Variants in SLAMF8 observed in about 807,000 individuals in gnomAD.
SLAMF8 encodes the protein B lymphocyte activator macrophage expressed.
A neutral mutation model predicts 29.0 loss-of-function variants in SLAMF8; 23 were observed. The ratio of observed to expected loss-of-function variants is 0.79; its 90% confidence interval spans 0.57 to 1.13. SLAMF8 has a LOEUF of 1.13. SLAMF8 is among the 50% of genes most tolerant of loss of function. The pLI, the probability that SLAMF8 is intolerant of heterozygous loss-of-function variation, is 0.00. For synonymous variants in SLAMF8, 139 were observed against 145.6 expected (o/e 0.96, Z 0.32); for missense variants, 381 against 353.1 (o/e 1.08, Z -0.63).
intron 1 of SLAMF8, 58 bp from the exon 2 acceptor site, chr1:159,829,808 G>C (rs1647333543): frequency 1.9e-5 from 24 of 1,247,406 alleles, no homozygotes; most frequent in African/African-American, 3.4e-5. Flanking sequence ...TCAGATGCAT[G>C]CAAAGAAGGA....
chr1:159,828,234 T>C (rs1266037630), intron 1 of SLAMF8, among the ~76,000 whole-genome samples: 16 of 152,096 alleles, frequency 1.1e-4, no homozygotes, highest in Admixed American at 1.0e-3. Context: ...TGGGGCAGGG[T>C]GATGTGTGGA....
chr1:159,828,338 C>T (rs191836179), intron 1 of SLAMF8, among the ~76,000 whole-genome samples: 5 of 152,218 alleles, frequency 3.3e-5, no homozygotes, highest in Admixed American at 6.5e-5. Context: ...TTGTGTGTTA[C>T]ATTCCTGCTC....
intron 4 of SLAMF8, among the ~76,000 whole-genome samples, chr1:159,833,837 G>A (rs1196002022): frequency 6.6e-6 from 1 of 152,194 alleles, no homozygotes; most frequent in Admixed American, 6.5e-5. Context: ...CTTAAAAGGA[G>A]GATGCTGGGT....
At chr1:159,831,372 T>A (rs1647477477) in intron 2 of SLAMF8, among the ~76,000 whole-genome samples, 1 of 151,588 alleles carries the variant, frequency 6.6e-6, no homozygotes, top group Non-Finnish European at 1.5e-5. Context: ...GCCGATGCAA[T>A]TGCAAGGTGC....
chr1:159,830,046 C>T lies in SLAMF8; in HGVS notation c.221C>T (p.Ser74Phe). 1 of 1,614,244 alleles carries T rather than the reference C, an allele frequency of 6.2e-7. No homozygotes were observed. Among genetic ancestry groups the T allele is most frequent in the Non-Finnish European group, 8.5e-7 (1 of 1,180,046 alleles). ...FRGSLETLYHSRFLGRAQLHS... is the reference protein window; with the variant it reads ...FRGSLETLYHFRFLGRAQLHS... ...GGCTCCCTGGAGACTCTGTACCATT[C>T]CCGCTTCCTGGGCCGAGCCCAGCTA... Residue 74 changes from serine to phenylalanine, a missense_variant, in exon 2 of 5, where the codon TCC becomes TTC. Transcript: ENST00000289707.
rs983630066 is a variant in SLAMF8 at position 159,835,253 on chromosome 1, T to C, written c.851T>C (p.Leu284Pro). 4.3e-6 allele frequency: 7 copies of C among 1,613,870 alleles called. No individual in the cohort carries two copies. Among genetic ancestry groups the C allele is most frequent in the Non-Finnish European group, 5.9e-6 (7 of 1,179,948 alleles). Residue 284 changes from leucine (L) to proline (P), a missense_variant, in exon 5 of 5, where the codon CTG (leucine) becomes CCG (proline). Transcript: ENST00000289707. ...PETENPLVQD[L>P]P ...ACAGAGAACCCCCTTGTGCAGGATCTGCCATAAAGGACAATATGAACTGAT... is the reference window on the plus strand; with the variant it reads ...ACAGAGAACCCCCTTGTGCAGGATCCGCCATAAAGGACAATATGAACTGAT...
At chr1:159,830,951 T>C (rs1180786311) in intron 2 of SLAMF8, among the ~76,000 whole-genome samples, 3 of 152,200 alleles carry the variant, frequency 2.0e-5, no homozygotes, top group East Asian at 3.9e-4. Flanking sequence ...CTGCTTCGCA[T>C]GGGTCTGCAG....
chr1:159,831,018 G>A (rs367792815), intron 2 of SLAMF8, among the ~76,000 whole-genome samples: 3 of 152,170 alleles, frequency 2.0e-5, no homozygotes, highest in Admixed American at 1.3e-4. Flanking sequence ...TGGGGGCTGC[G>A]TGGGCCTTGT....
At chr1:159,827,807 G>C (rs1345337585) in intron 1 of SLAMF8, among the ~76,000 whole-genome samples, 1 of 151,842 alleles carries the variant, frequency 6.6e-6, no homozygotes, top group Non-Finnish European at 1.5e-5. Flanking sequence ...AAAGGCCTTG[G>C]TCTGTTTGGT....
chr1:159,830,829 TCA>T (rs1184260264), intron 2 of SLAMF8, among the ~76,000 whole-genome samples: 1 of 152,230 alleles, frequency 6.6e-6, no homozygotes, highest in African/African-American at 2.4e-5. Context: ...ATGGGTTCTC[TCA>T]GTCATTCATC....
At position 159,828,928 on chromosome 1, in the gene SLAMF8, C is replaced by T. The variant is rs1647258799; in HGVS notation, c.41-938C>T. On this transcript the variant is annotated intron_variant, in intron 1 of 4. Transcript: ENST00000289707. ...CAAAACAGCATCTTGCTTTCTCACCCCCTGTCTGTTTCTCCTCCTGTTCTG... is the reference window on the plus strand; with the variant it reads ...CAAAACAGCATCTTGCTTTCTCACCTCCTGTCTGTTTCTCCTCCTGTTCTG... Among the ~76,000 whole-genome samples the T allele has an allele frequency of 2.0e-5, 3 of 152,266 alleles. No individual in the cohort carries two copies. In the South Asian group the frequency reaches 6.2e-4, roughly 32 times the overall value.
intron 2 of SLAMF8, among the ~76,000 whole-genome samples, chr1:159,832,137 T>A (rs1647527949): frequency 1.3e-5 from 2 of 152,204 alleles, no homozygotes; most frequent in African/African-American, 4.8e-5. Context: ...ATCAGTTTGT[T>A]CAGTGACCAG....
chr1:159,827,986 A>G (rs544815867), intron 1 of SLAMF8, among the ~76,000 whole-genome samples: 336 of 152,218 alleles, frequency 2.2e-3, no homozygotes, highest in Non-Finnish European at 4.0e-3. Flanking sequence ...GGTCACTGCC[A>G]CTAAACCCGG....
Position 159,836,332 on chromosome 1 carries a change from C to G in SLAMF8, c.*1072C>G, listed in dbSNP as rs193268418. On this transcript the variant is annotated 3_prime_UTR_variant, in exon 5 of 5. Transcript: ENST00000289707. ...CCCAACAGCAGGACTGTAGAGGTCA[C>G]TCTGACTCCATCAAACTTTTTATTG... 72 of 984,716 alleles carry G rather than the reference C, an allele frequency of 7.3e-5. 1 individual carries two copies. The African/African-American group carries it at 1.1e-3, about 16-fold the overall frequency. 61.0% of individuals were successfully genotyped at this position (984,716 alleles called of 1,614,324 possible).
intron 4 of SLAMF8, among the ~76,000 whole-genome samples, chr1:159,833,670 G>T (rs1355105697): frequency 1.3e-5 from 2 of 152,134 alleles, no homozygotes; most frequent in Non-Finnish European, 2.9e-5. Context: ...CCCCCTTCAT[G>T]TGGCTATCTC....
intron 1 of SLAMF8, among the ~76,000 whole-genome samples, chr1:159,827,654 A>G (rs918605786): frequency 2.6e-5 from 4 of 152,182 alleles, no homozygotes; most frequent in African/African-American, 7.2e-5. Context: ...TTAAGATGAT[A>G]TTGTTTACAT....
In SLAMF8 at chr1:159,829,983, T is replaced by A. The variant is rs1320035451; in HGVS notation, c.158T>A (p.Leu53His). 6.2e-7 allele frequency: 1 copy of A among 1,614,158 alleles called. No individual in the cohort carries two copies. Among genetic ancestry groups the A allele is most frequent in the Non-Finnish European group, 8.5e-7 (1 of 1,180,064 alleles). ...GTCCGTGAGGCTATCTGGCGATCTCTCTGGCCTTCAGAAGAGCTCCTGGCC... is the reference window on the plus strand; with the variant it reads ...GTCCGTGAGGCTATCTGGCGATCTCACTGGCCTTCAGAAGAGCTCCTGGCC... ...FQVREAIWRSLWPSEELLATF... is the reference protein window; with the variant it reads ...FQVREAIWRSHWPSEELLATF... The change falls in exon 2 of 5, where the codon CTC (leucine) becomes CAC (histidine). Residue 53 changes from leucine to histidine, a missense_variant. Leu to His is a moderately conservative substitution (Grantham distance 99, BLOSUM62 -3). Coordinates refer to ENST00000289707, the MANE Select transcript of SLAMF8 (RefSeq NM_020125.3).
chr1:159,828,570 A>G (rs1647239619), intron 1 of SLAMF8, among the ~76,000 whole-genome samples: 1 of 152,182 alleles, frequency 6.6e-6, no homozygotes, highest in Non-Finnish European at 1.5e-5. Flanking sequence ...AATACCATTT[A>G]CTAGGCTTCT....
Position 159,836,566 on chromosome 1 carries a change from T to A in SLAMF8, c.*1306T>A. ...CTTGATAACAGCGAGGAAAGAGGTA[T>A]TGAAGAAACAGGGGTGGGTTTGAAG... On this transcript the variant is annotated 3_prime_UTR_variant, in exon 5 of 5. Coordinates refer to ENST00000289707, the MANE Select transcript of SLAMF8 (RefSeq NM_020125.3). 4 of 985,456 alleles carry A rather than the reference T, an allele frequency of 4.1e-6. No individual in the cohort carries two copies. The highest frequency in any genetic ancestry group is 4.8e-6 in the Non-Finnish European group (4 of 829,938). The allele number at this position is 985,456 out of a possible 1,614,324, so 61.0% of individuals were successfully genotyped here. A position where few individuals can be genotyped will look rare whatever the true frequency, so the allele number is the denominator to read the frequency against.
Sources: allele counts gnomAD v4.1 joint callset (sites outside exome capture counted in the v4.1 genomes callset), GRCh38; gene constraint gnomAD v4.1.1; transcripts MANE v1.5; gene names NCBI Gene and HGNC (gene_info 2026-07-23, HGNC 2026-07-21).